The following FAM110B variants were observed in gnomAD, a reference collection of about 807,000 sequenced individuals.
The protein encoded by FAM110B is protein FAM110B.
FAM110B carries 6 observed loss-of-function variants against 20.4 expected under a neutral mutation model. The observed-to-expected ratio is 0.29, with a 90% CI of 0.16 to 0.58. FAM110B has a LOEUF of 0.58. FAM110B is among the 20% of genes least tolerant of loss of function. The pLI is 0.90. For missense variants in FAM110B, 434 were observed against 498.2 expected (o/e 0.87, Z 1.23); for synonymous variants, 226 against 214.1 (o/e 1.06, Z -0.49).
intron 2 of FAM110B, among the ~76,000 whole-genome samples, chr8:58,054,530 T>C (rs1805514406): frequency 6.6e-6 from 1 of 152,244 alleles, no homozygotes; most frequent in Non-Finnish European, 1.5e-5. Context: ...TGTAATTTGC[T>C]ATATTTCTTC....
chr8:58,053,078 C>T (rs1805484295), intron 2 of FAM110B, among the ~76,000 whole-genome samples: 1 of 151,594 alleles, frequency 6.6e-6, no homozygotes, highest in Admixed American at 6.6e-5. Flanking sequence ...AGCCACCGCG[C>T]CCGGCCGAGA....
chr8:58,102,291 C>A (rs1341167662), intron 3 of FAM110B, among the ~76,000 whole-genome samples: 1 of 152,152 alleles, frequency 6.6e-6, no homozygotes, highest in African/African-American at 2.4e-5. Flanking sequence ...GGGTATTCCC[C>A]AAACCTTAAT....
intron 1 of FAM110B, among the ~76,000 whole-genome samples, chr8:57,999,052 T>C (rs1007115406): frequency 3.3e-5 from 5 of 152,204 alleles, no homozygotes; most frequent in Admixed American, 6.5e-5. Context: ...TTTTTGTTGT[T>C]GTTGTTGTTG....
At chr8:58,096,229 G>A (rs929769532) in intron 3 of FAM110B, among the ~76,000 whole-genome samples, 1 of 152,120 alleles carries the variant, frequency 6.6e-6, no homozygotes, top group Admixed American at 6.5e-5. Context: ...AGGCTGGAGT[G>A]CAGTGGCGCA....
intron 1 of FAM110B, among the ~76,000 whole-genome samples, chr8:58,028,821 C>T (rs1186000313): frequency 6.6e-6 from 1 of 152,164 alleles, no homozygotes; most frequent in Non-Finnish European, 1.5e-5. Flanking sequence ...CTTGCACATA[C>T]TCTTTATTTC....
chr8:58,071,239 G>A (rs1805890211), intron 2 of FAM110B, among the ~76,000 whole-genome samples: 1 of 152,156 alleles, frequency 6.6e-6, no homozygotes, highest in Non-Finnish European at 1.5e-5. Flanking sequence ...AACAAATGCA[G>A]CATGAGTTTT....
rs11342170 is a variant in FAM110B at position 58,068,598 on chromosome 8, TAAAAA to T, written c.-413-6927_-413-6923del. ...TTTTGTAAAGTTTTTTAGCTAAAAA[TAAAAA>T]AAAAAAAAACTACAGAAAAGGGAAG... is the stretch of plus-strand genomic sequence containing the variant. On this transcript the variant is annotated intron_variant, in intron 2 of 3. Transcript: ENST00000519262. 2.0e-5 allele frequency among the ~76,000 whole-genome samples: 3 copies of T among 147,580 alleles called. No individual in the cohort carries two copies. In the East Asian group the frequency reaches 6.0e-4, roughly 30 times the overall value.
intron 2 of FAM110B, among the ~76,000 whole-genome samples, chr8:58,045,843 T>C (rs1394502103): frequency 2.0e-5 from 3 of 152,188 alleles, no homozygotes; most frequent in Non-Finnish European, 2.9e-5. Context: ...GGCTGAGTAA[T>C]ATATAAACAA....
chr8:58,118,553 A>G (rs550031054), intron 3 of FAM110B, among the ~76,000 whole-genome samples: 1 of 152,296 alleles, frequency 6.6e-6, no homozygotes, highest in East Asian at 1.9e-4. Context: ...CTTCTAAGGC[A>G]GGGTGGGGCG....
intron 3 of FAM110B, among the ~76,000 whole-genome samples, chr8:58,130,741 A>ATC (rs57703137): frequency 0.3 from 45,968 of 151,996 alleles, 12,482 homozygotes; most frequent in African/African-American, 0.73. Flanking sequence ...TTCTCCTAGG[A>ATC]TCTGATTCCC....
intron 3 of FAM110B, among the ~76,000 whole-genome samples, chr8:58,112,504 A>G (rs1039879673): frequency 1.3e-5 from 2 of 152,246 alleles, no homozygotes; most frequent in African/African-American, 2.4e-5. Context: ...TGTTTGTAAC[A>G]TTAGTAACAA....
At chr8:58,109,579 A>G (rs1207218955) in intron 3 of FAM110B, among the ~76,000 whole-genome samples, 1 of 151,826 alleles carries the variant, frequency 6.6e-6, no homozygotes. Flanking sequence ...TCTGGGGAGG[A>G]AGGCTTGTTG....
intron 2 of FAM110B, among the ~76,000 whole-genome samples, chr8:58,054,614 G>A (rs1047370876): frequency 2.0e-5 from 3 of 152,210 alleles, no homozygotes; most frequent in Non-Finnish European, 2.9e-5. Context: ...ACAGAAGATT[G>A]AGACTGCAAG....
chr8:58,101,647 T>C (rs1413758982), intron 3 of FAM110B, among the ~76,000 whole-genome samples: 1 of 152,040 alleles, frequency 6.6e-6, no homozygotes, highest in East Asian at 1.9e-4. Flanking sequence ...TGATTTCTAC[T>C]CTAAACTGAC....
At chr8:58,131,654 A>G (rs1284902670) in intron 3 of FAM110B, among the ~76,000 whole-genome samples, 2 of 152,174 alleles carry the variant, frequency 1.3e-5, no homozygotes, top group Non-Finnish European at 2.9e-5. Context: ...TTTTCTTTTC[A>G]GCACCCATGC....
intron 3 of FAM110B, among the ~76,000 whole-genome samples, chr8:58,142,203 C>G (rs1340668848): frequency 6.6e-6 from 1 of 152,198 alleles, no homozygotes; most frequent in South Asian, 2.1e-4. Flanking sequence ...GGCCTGTTTC[C>G]TCTGTGCTGG....
At chr8:58,014,691 A>G (rs1804604002) in intron 1 of FAM110B, among the ~76,000 whole-genome samples, 1 of 152,172 alleles carries the variant, frequency 6.6e-6, no homozygotes, top group South Asian at 2.1e-4. Context: ...TGTTTTCCCT[A>G]ACTGCTTTGC....
intron 3 of FAM110B, among the ~76,000 whole-genome samples, chr8:58,091,050 C>T (rs1806464815): frequency 6.6e-6 from 1 of 152,142 alleles, no homozygotes; most frequent in South Asian, 2.1e-4. Flanking sequence ...CAGGTATAGC[C>T]ATGCCTTTGC....
In FAM110B at chr8:58,146,067, G is replaced by C; in HGVS notation, c.-164G>C. On this transcript the variant is annotated 5_prime_UTR_variant, in exon 4 of 4. Coordinates refer to ENST00000519262, the MANE Select transcript of FAM110B (RefSeq NM_001377989.1). ...AAAGTGTATGAAAGCCACCGTGGCG[G>C]TTAATGAGCTGTGAGATGAGGCGCT... The C allele has an allele frequency of 1.3e-6, 1 of 756,422 alleles. No homozygotes were observed. Among genetic ancestry groups the C allele is most frequent in the Admixed American group, 3.1e-5 (1 of 31,774 alleles). 46.9% of individuals were successfully genotyped at this position (756,422 alleles called of 1,614,324 possible). A position where few individuals can be genotyped will look rare whatever the true frequency, so the allele number is the denominator to read the frequency against.
Sources: allele counts gnomAD v4.1 joint callset (sites outside exome capture counted in the v4.1 genomes callset), GRCh38; gene constraint gnomAD v4.1.1; transcripts MANE v1.5; gene names NCBI Gene and HGNC (gene_info 2026-07-23, HGNC 2026-07-21).